The following CCBE1 variants were observed in gnomAD, a reference collection of about 807,000 sequenced individuals.
CCBE1 encodes the protein collagen and calcium binding EGF domains 1.
In CCBE1, 37 loss-of-function variants were observed where a neutral mutation model predicts 50.0. The ratio of observed to expected loss-of-function variants is 0.74; its 90% CI spans 0.57 to 0.97. CCBE1 has a LOEUF of 0.97. CCBE1 is among the 50% of genes least tolerant of loss of function. The pLI is 0.00. For missense variants in CCBE1, 538 were observed against 523.8 expected, an observed-to-expected ratio of 1.03 and a Z score of -0.26; for synonymous variants, 234 against 203.7, an observed-to-expected ratio of 1.15 and a Z score of -1.27.
chr18:59,553,142 A>C (rs2144421523), intron 2 of CCBE1, among the ~76,000 whole-genome samples: 1 of 152,234 alleles, frequency 6.6e-6, no homozygotes, highest in African/African-American at 2.4e-5. Flanking sequence ...AGGACAGCAA[A>C]CCTCTGGCCA....
intron 2 of CCBE1, among the ~76,000 whole-genome samples, chr18:59,671,604 C>T (rs920737661): frequency 6.6e-6 from 1 of 151,862 alleles, no homozygotes; most frequent in Non-Finnish European, 1.5e-5. Flanking sequence ...ACATAGGTTT[C>T]CTTAATGGCA....
intron 2 of CCBE1, among the ~76,000 whole-genome samples, chr18:59,543,524 T>C (rs1029481341): frequency 6.6e-6 from 1 of 152,088 alleles, no homozygotes; most frequent in African/African-American, 2.4e-5. Context: ...TCCATAAAAC[T>C]AATGCGAGAG....
At chr18:59,583,745 T>C (rs1265813439) in intron 2 of CCBE1, among the ~76,000 whole-genome samples, 4 of 152,024 alleles carry the variant, frequency 2.6e-5, no homozygotes, top group African/African-American at 9.7e-5. Context: ...AAGAGATCTT[T>C]CCACACAGAG....
intron 2 of CCBE1, among the ~76,000 whole-genome samples, chr18:59,625,501 T>C (rs1599075869): frequency 6.6e-6 from 1 of 150,788 alleles, no homozygotes. Flanking sequence ...AGATTCATCA[T>C]CTTATTTGAA....
At chr18:59,674,107 C>T (rs1339610349) in intron 2 of CCBE1, among the ~76,000 whole-genome samples, 1 of 152,100 alleles carries the variant, frequency 6.6e-6, no homozygotes, top group East Asian at 1.9e-4. Flanking sequence ...TTAATTGCTG[C>T]CTCAATTTCA....
At chr18:59,570,081 T>C (rs1413828756) in intron 2 of CCBE1, among the ~76,000 whole-genome samples, 2 of 152,248 alleles carry the variant, frequency 1.3e-5, no homozygotes, top group African/African-American at 2.4e-5. Context: ...AAGCTCTTCC[T>C]GAACACACGC....
chr18:59,522,532 G>A (rs561199591), intron 2 of CCBE1, among the ~76,000 whole-genome samples: 2 of 152,260 alleles, frequency 1.3e-5, no homozygotes, highest in African/African-American at 4.8e-5. Context: ...TCATAGTGGT[G>A]GTGGGTTAAA....
chr18:59,602,074 T>A (rs2053441143), intron 2 of CCBE1, among the ~76,000 whole-genome samples: 1 of 149,308 alleles, frequency 6.7e-6, no homozygotes, highest in African/African-American at 2.5e-5. Flanking sequence ...CAAGTGCCCA[T>A]CATTTGCAAG....
intron 2 of CCBE1, among the ~76,000 whole-genome samples, chr18:59,623,935 T>C (rs2053744776): frequency 6.6e-6 from 1 of 152,190 alleles, no homozygotes; most frequent in Admixed American, 6.5e-5. Context: ...ATGAATTGTG[T>C]GGTTTTTATT....
chr18:59,578,233 A>T (rs559178548), intron 2 of CCBE1, among the ~76,000 whole-genome samples: 28 of 152,354 alleles, frequency 1.8e-4, no homozygotes, highest in African/African-American at 6.5e-4. Context: ...AGAGATGCAA[A>T]TCAAAACCAC....
intron 2 of CCBE1, among the ~76,000 whole-genome samples, chr18:59,501,584 AGCCT>A (rs2143837984): frequency 6.6e-6 from 1 of 152,278 alleles, no homozygotes; most frequent in East Asian, 1.9e-4. Context: ...TCCTCCTGGA[AGCCT>A]TTCCTGAATT....
Position 59,551,149 on chromosome 18 carries a change from AC to A in CCBE1, c.213-70912del, listed in dbSNP as rs757603701. The stretch of plus-strand genomic sequence containing the variant: ...ATTGTGTATACATCAGAGCATACTT[AC>A]ACAAACCTAGATGGCATAGCCTGCT... On this transcript the variant is annotated intron_variant, in intron 2 of 10. Coordinates refer to ENST00000439986, the MANE Select transcript of CCBE1 (RefSeq NM_133459.4). Among the ~76,000 whole-genome samples, 7 of 152,300 alleles carry A rather than the reference AC, an allele frequency of 4.6e-5. No homozygotes were observed. The East Asian group carries it at 1.3e-3, about 29-fold the overall frequency.
chr18:59,444,893 A>G (rs1425958888), intron 7 of CCBE1, among the ~76,000 whole-genome samples: 1 of 151,914 alleles, frequency 6.6e-6, no homozygotes, highest in Non-Finnish European at 1.5e-5. Context: ...CATCTTTTTA[A>G]TCAGGTGCTT....
intron 5 of CCBE1, among the ~76,000 whole-genome samples, chr18:59,455,967 C>G (rs183332923): frequency 3.9e-5 from 6 of 152,234 alleles, no homozygotes; most frequent in African/African-American, 1.4e-4. Context: ...GCGTGACCAT[C>G]TCTTGTTCTT....
At chr18:59,475,786 C>T (rs947276093) in intron 3 of CCBE1, among the ~76,000 whole-genome samples, 13 of 152,210 alleles carry the variant, frequency 8.5e-5, no homozygotes, top group Admixed American at 2.6e-4. Context: ...GGCACAATTT[C>T]GGCTCACTGC....
chr18:59,677,598 C>T (rs1249166075), intron 2 of CCBE1, among the ~76,000 whole-genome samples: 1 of 151,808 alleles, frequency 6.6e-6, no homozygotes, highest in Non-Finnish European at 1.5e-5. Flanking sequence ...TCCAGGAAAC[C>T]CAGAATTCAA....
intron 2 of CCBE1, among the ~76,000 whole-genome samples, chr18:59,582,628 A>C (rs921239461): frequency 6.6e-6 from 1 of 152,200 alleles, no homozygotes; most frequent in Non-Finnish European, 1.5e-5. Flanking sequence ...GCCTGACAGC[A>C]GCAAGATCAG....
chr18:59,696,139 T>G (rs1315202464), intron 2 of CCBE1, among the ~76,000 whole-genome samples: 1 of 152,164 alleles, frequency 6.6e-6, no homozygotes, highest in African/African-American at 2.4e-5. Flanking sequence ...ACAATCTTTT[T>G]GTTTTCACTC....
intron 2 of CCBE1, among the ~76,000 whole-genome samples, chr18:59,481,874 A>G (rs907535514): frequency 6.6e-6 from 1 of 152,236 alleles, no homozygotes; most frequent in African/African-American, 2.4e-5. Flanking sequence ...GAAGAGCATT[A>G]TAAACAGTAA....
Sources: gnomAD v4.1 joint callset for allele counts (sites outside exome capture counted in the v4.1 genomes callset) on GRCh38, gnomAD v4.1.1 for gene constraint, MANE v1.5 for transcripts, NCBI Gene and HGNC (gene_info 2026-07-23, HGNC 2026-07-21) for gene names.